The following SIPA1L1 variants were observed in gnomAD, a reference collection of about 807,000 sequenced individuals.
SIPA1L1 encodes signal-induced proliferation-associated 1-like protein 1.
A neutral mutation model predicts 162.7 loss-of-function variants in SIPA1L1; 26 were observed. The ratio of observed to expected loss-of-function variants is 0.16; its 90% CI spans 0.12 to 0.22. The LOEUF (loss-of-function observed/expected upper bound fraction) is 0.22. Ranked by LOEUF, SIPA1L1 falls within the 10% of genes least tolerant of loss-of-function variation. SIPA1L1 has a pLI of 1.00. For synonymous variants in SIPA1L1, 829 were observed against 837.4 expected, an observed-to-expected ratio of 0.99 and a Z score of 0.17; for missense variants, 1,874 against 2,241.0, an observed-to-expected ratio of 0.84 and a Z score of 3.31.
chr14:71,459,530 G>A (rs1380633465), intron 2 of SIPA1L1, among the ~76,000 whole-genome samples: 1 of 152,150 alleles, frequency 6.6e-6, no homozygotes, highest in Non-Finnish European at 1.5e-5. Context: ...ACAATAGTCT[G>A]TCTGCAAGCT....
chr14:71,568,958 A>T (rs1022756131), intron 4 of SIPA1L1, among the ~76,000 whole-genome samples: 3 of 152,180 alleles, frequency 2.0e-5, no homozygotes, highest in Non-Finnish European at 4.4e-5. Flanking sequence ...TGTGCAGCAA[A>T]CTTGACAGAT....
intron 3 of SIPA1L1, among the ~76,000 whole-genome samples, chr14:71,521,848 T>G (rs1381870408): frequency 6.6e-6 from 1 of 152,186 alleles, no homozygotes; most frequent in African/African-American, 2.4e-5. Flanking sequence ...TTCCAGTGGG[T>G]AGGTAGTAGT....
chr14:71,590,588 A>G (rs1266485673), intron 5 of SIPA1L1, among the ~76,000 whole-genome samples: 4 of 152,182 alleles, frequency 2.6e-5, no homozygotes, highest in Non-Finnish European at 5.9e-5. Flanking sequence ...GACGGAAACA[A>G]TCTTGTCTCG....
At chr14:71,676,105 A>G (rs1372670722) in intron 12 of SIPA1L1, among the ~76,000 whole-genome samples, 4 of 145,576 alleles carry the variant, frequency 2.7e-5, no homozygotes, top group African/African-American at 9.9e-5. Context: ...CCTGACCTCA[A>G]ATGATTCACC....
Position 71,539,416 on chromosome 14 carries a change from C to A in SIPA1L1, c.-303+10046C>A, listed in dbSNP as rs552433015. Among the ~76,000 whole-genome samples, 58 of 152,274 alleles carry A rather than the reference C, an allele frequency of 3.8e-4. No homozygotes were observed. In the South Asian group the frequency reaches 0.012, roughly 31 times the overall value. On this transcript the variant is annotated intron_variant, in intron 4 of 23. Coordinates refer to ENST00000381232, the MANE Select transcript of SIPA1L1 (RefSeq NM_001386936.1). ...ACTTCTCGATTAGGCCAGCTTGGAA[C>A]TTTTCCAATGGAAAACTATTTGCAC... is the stretch of plus-strand genomic sequence containing the variant.
At chr14:71,329,070 A>G (rs554245830) in intron 2 of SIPA1L1, among the ~76,000 whole-genome samples, 2 of 152,290 alleles carry the variant, frequency 1.3e-5, no homozygotes, top group Non-Finnish European at 2.9e-5. Context: ...TAAAATCCTC[A>G]AGGTTCATCA....
At position 71,685,414 on chromosome 14, in the gene SIPA1L1, G is replaced by T. The variant is rs1248582084; in HGVS notation, c.3157G>T (p.Gly1053Cys). The T allele has an allele frequency of 6.2e-7, 1 of 1,614,148 alleles. No individual in the cohort carries two copies. Among genetic ancestry groups the T allele is most frequent in the Non-Finnish European group, 8.5e-7 (1 of 1,180,018 alleles). Reference sequence around the variant, plus strand: ...AGTGATGGAGTACAAAATGAATGAAGGTGTTTCATACGAATTCAAGTTTCC... The same window carrying T: ...AGTGATGGAGTACAAAATGAATGAATGTGTTTCATACGAATTCAAGTTTCC... ...MPVMEYKMNE[G>C]VSYEFKFPFR... Residue 1053 changes from glycine to cysteine, a missense_variant, in exon 13 of 24, where the codon GGT (glycine) becomes TGT (cysteine). This residue lies in a region of SIPA1L1 where 936 missense variants were observed against 1,051.9 expected (regional missense o/e 0.89). Coordinates refer to ENST00000381232, the MANE Select transcript of SIPA1L1 (RefSeq NM_001386936.1).
At chr14:71,339,612 C>T (rs902043182) in intron 2 of SIPA1L1, among the ~76,000 whole-genome samples, 27 of 152,116 alleles carry the variant, frequency 1.8e-4, no homozygotes, top group African/African-American at 5.8e-4. Flanking sequence ...AATCCGCCTG[C>T]CTCAGCCTGT....
At chr14:71,624,975 C>T (rs1307187571) in intron 7 of SIPA1L1, among the ~76,000 whole-genome samples, 1 of 152,038 alleles carries the variant, frequency 6.6e-6, no homozygotes, top group African/African-American at 2.4e-5. Context: ...TACTTTAATT[C>T]TTTCTTTTAG....
chr14:71,633,650 T>G (rs1179803123), intron 7 of SIPA1L1, among the ~76,000 whole-genome samples: 1 of 152,082 alleles, frequency 6.6e-6, no homozygotes, highest in Non-Finnish European at 1.5e-5. Flanking sequence ...CTACCAAAAA[T>G]TATAAATTCT....
chr14:71,723,915 T>C (rs772572876), intron 18 of SIPA1L1, 29 bp downstream of exon 18: 31 of 1,613,144 alleles, frequency 1.9e-5, no homozygotes, highest in Non-Finnish European at 2.5e-5. Flanking sequence ...CCCTTGCTGG[T>C]GGCTTGCTTT....
At chr14:71,398,008 AATTTTT>A (rs1433593524) in intron 2 of SIPA1L1, among the ~76,000 whole-genome samples, 9 of 88,712 alleles carry the variant, frequency 1.0e-4, no homozygotes, top group Admixed American at 7.2e-4. Flanking sequence ...CAAAAAAAAA[AATTTTT>A]TTTTTTTTTT....
chr14:71,352,320 A>C (rs561322294), intron 2 of SIPA1L1, among the ~76,000 whole-genome samples: 1 of 152,052 alleles, frequency 6.6e-6, no homozygotes, highest in East Asian at 1.9e-4. Context: ...GGGAGGGTTG[A>C]ATTTCTGCGA....
intron 2 of SIPA1L1, among the ~76,000 whole-genome samples, chr14:71,447,206 G>A (rs547267676): frequency 2.0e-5 from 3 of 151,950 alleles, no homozygotes; most frequent in Non-Finnish European, 2.9e-5. Context: ...GAGCCACCAC[G>A]CTTATCCTCT....
At chr14:71,380,397 A>G (rs1002054024) in intron 2 of SIPA1L1, among the ~76,000 whole-genome samples, 1 of 152,212 alleles carries the variant, frequency 6.6e-6, no homozygotes, top group Admixed American at 6.5e-5. Context: ...CAGCTGCCCA[A>G]ATATGGTACT....
chr14:71,593,401 G>A (rs1437031143), intron 5 of SIPA1L1, among the ~76,000 whole-genome samples: 1 of 151,816 alleles, frequency 6.6e-6, no homozygotes, highest in Non-Finnish European at 1.5e-5. Context: ...TAGTAGAGAT[G>A]GGGTTTCACC....
chr14:71,482,186 G>A (rs913788267), intron 2 of SIPA1L1, among the ~76,000 whole-genome samples: 5 of 152,268 alleles, frequency 3.3e-5, no homozygotes, highest in African/African-American at 1.2e-4. Context: ...CTGATGGGCA[G>A]GAGAGAAAGC....
intron 8 of SIPA1L1, among the ~76,000 whole-genome samples, chr14:71,651,819 G>T (rs1400728700): frequency 6.6e-6 from 1 of 152,220 alleles, no homozygotes; most frequent in Non-Finnish European, 1.5e-5. Context: ...TAAGCAACAT[G>T]ACATGTAGTA....
intron 2 of SIPA1L1, among the ~76,000 whole-genome samples, chr14:71,392,813 C>T (rs530613818): frequency 6.6e-6 from 1 of 152,142 alleles, no homozygotes; most frequent in Non-Finnish European, 1.5e-5. Context: ...CGTGAGCCAC[C>T]GCACCTGGCC....
Sources: allele counts gnomAD v4.1 joint callset (sites outside exome capture counted in the v4.1 genomes callset), GRCh38; gene constraint gnomAD v4.1.1; regional missense constraint gnomAD v4.1.1; transcripts MANE v1.5; gene names NCBI Gene and HGNC (gene_info 2026-07-23, HGNC 2026-07-21).